The following CPQ variants were observed in gnomAD, a reference collection of about 807,000 sequenced individuals.
CPQ encodes the protein Ser-Met dipeptidase.
Under a neutral mutation model 45.7 loss-of-function variants are expected in CPQ, and 37 were observed. That is an observed-to-expected ratio of 0.81 (90% CI 0.62 to 1.07). The LOEUF is 1.07. Ranked by LOEUF, CPQ falls within the 50% of genes least tolerant of loss-of-function variation. The pLI, the probability that CPQ is intolerant of heterozygous loss-of-function variation, is 0.00. For missense variants in CPQ, 537 were observed against 572.9 expected (o/e 0.94, Z 0.64); for synonymous variants, 186 against 205.8 (o/e 0.90, Z 0.82).
intron 1 of CPQ, among the ~76,000 whole-genome samples, chr8:96,663,201 G>A (rs188958210): frequency 5.3e-5 from 8 of 152,268 alleles, no homozygotes; most frequent in South Asian, 2.1e-4. Flanking sequence ...AGAGAGCCCC[G>A]AAACATCTTC....
chr8:96,798,841 CCT>C (rs1172466886), intron 2 of CPQ, among the ~76,000 whole-genome samples: 1 of 152,002 alleles, frequency 6.6e-6, no homozygotes, highest in East Asian at 1.9e-4. Context: ...ATGGTTATCT[CCT>C]CTGAAAAACT....
At chr8:96,700,422 A>G (rs1315250822) in intron 1 of CPQ, among the ~76,000 whole-genome samples, 1 of 152,070 alleles carries the variant, frequency 6.6e-6, no homozygotes, top group Non-Finnish European at 1.5e-5. Flanking sequence ...GTTATGAGAT[A>G]CCCCATTTGG....
Position 96,787,193 on chromosome 8 carries a change from C to A in CPQ, c.433+1863C>A, listed in dbSNP as rs1810779874. Among the ~76,000 whole-genome samples the A allele has an allele frequency of 2.0e-5, 3 of 152,160 alleles. No homozygotes were observed. The South Asian group carries it at 6.2e-4, about 32-fold the overall frequency. The stretch of plus-strand genomic sequence containing the variant: ...ATATTTTCTTCTAAGAATTTTATGG[C>A]TGCCATTCTTACATTTATATCTGTG... On this transcript the variant is annotated intron_variant, in intron 2 of 7. Transcript: ENST00000220763.
intron 2 of CPQ, among the ~76,000 whole-genome samples, chr8:96,799,434 A>C (rs1810978287): frequency 6.6e-6 from 1 of 152,124 alleles, no homozygotes. Context: ...TTTTGATCTC[A>C]TCAAGGAAAC....
chr8:96,870,671 G>A (rs551498265), intron 3 of CPQ, among the ~76,000 whole-genome samples: 2 of 152,090 alleles, frequency 1.3e-5, no homozygotes, highest in African/African-American at 4.8e-5. Context: ...GTAATAACTG[G>A]TAAATGAATT....
chr8:96,865,527 T>G (rs535880917), intron 3 of CPQ, among the ~76,000 whole-genome samples: 8 of 152,216 alleles, frequency 5.3e-5, no homozygotes, highest in African/African-American at 1.7e-4. Context: ...GGTGGCTATT[T>G]ATTGAATTCC....
At chr8:96,688,713 C>CTGTA (rs576400791) in intron 1 of CPQ, among the ~76,000 whole-genome samples, 44 of 152,200 alleles carry the variant, frequency 2.9e-4, no homozygotes, top group Non-Finnish European at 5.0e-4. Flanking sequence ...TTTCAATGTA[C>CTGTA]TGTAATTCTG....
intron 7 of CPQ, chr8:97,092,262 T>C (rs1472110552): frequency 6.6e-6 from 1 of 152,198 alleles, no homozygotes; most frequent in East Asian, 1.9e-4. Flanking sequence ...CCGCTGTGGT[T>C]AGCCTCAGAA....
At chr8:97,015,548 G>A (rs1452785123) in intron 5 of CPQ, among the ~76,000 whole-genome samples, 1 of 152,100 alleles carries the variant, frequency 6.6e-6, no homozygotes, top group African/African-American at 2.4e-5. Context: ...AGAATATAGT[G>A]TAGAAAAATA....
At chr8:96,976,665 G>C (rs548198687) in intron 5 of CPQ, among the ~76,000 whole-genome samples, 14 of 152,230 alleles carry the variant, frequency 9.2e-5, no homozygotes, top group Admixed American at 3.3e-4. Context: ...TAGACCAATG[G>C]AAGAGAAGAA....
chr8:97,136,178 A>C (rs919671426), intron 7 of CPQ, among the ~76,000 whole-genome samples: 3 of 150,736 alleles, frequency 2.0e-5, no homozygotes, highest in African/African-American at 7.5e-5. Context: ...ATGAGTGTTT[A>C]CAAAAAAAAA....
intron 1 of CPQ, among the ~76,000 whole-genome samples, chr8:96,777,735 TATATATATATATATATATATATATA>T (rs1337206035): frequency 1.4e-3 from 10 of 7,124 alleles, no homozygotes; most frequent in Non-Finnish European, 1.7e-3. Context: ...TATATATATA[TATATATATATATATATATATATATA>T]TTTTTTTTTT....
At chr8:97,050,520 T>C (rs1282168403) in intron 6 of CPQ, among the ~76,000 whole-genome samples, 1 of 152,148 alleles carries the variant, frequency 6.6e-6, no homozygotes, top group African/African-American at 2.4e-5. Context: ...TAGGGAAATA[T>C]GGTATTTTAT....
intron 4 of CPQ, among the ~76,000 whole-genome samples, chr8:96,963,877 G>T (rs1298643741): frequency 1.3e-5 from 2 of 151,722 alleles, no homozygotes; most frequent in Non-Finnish European, 2.9e-5. Context: ...TGTTTTGCGT[G>T]TTTTTATACT....
chr8:96,854,547 A>ACAAAAC lies in CPQ; in HGVS notation c.641+19367_641+19368insCAAAAC, dbSNP rs1287161090. 3.2e-3 allele frequency among the ~76,000 whole-genome samples: 377 copies of ACAAAAC among 116,342 alleles called. 25 individuals carry two copies. The highest frequency in any genetic ancestry group is 0.011 in the African/African-American group (351 of 30,790). The allele number at this position is 116,342 out of a possible 152,430, so 76.3% of individuals were successfully genotyped here. ...CTCCGTCTCAAAAAAAAAAAAAAAA[A>ACAAAAC]AAAAAAAAAAAATGTGGTGGAACTA... On this transcript the variant is annotated intron_variant, in intron 3 of 7. Transcript: ENST00000220763.
chr8:96,813,905 A>G (rs1006261185), intron 2 of CPQ, among the ~76,000 whole-genome samples: 5 of 152,146 alleles, frequency 3.3e-5, no homozygotes, highest in African/African-American at 1.2e-4. Context: ...CCAGCACTAT[A>G]ATAGGCCTCA....
At chr8:96,918,837 G>GT (rs992122539) in intron 4 of CPQ, among the ~76,000 whole-genome samples, 2 of 152,012 alleles carry the variant, frequency 1.3e-5, no homozygotes, top group African/African-American at 4.8e-5. Flanking sequence ...TTGCCTCATT[G>GT]GGCATGAAGG....
intron 7 of CPQ, among the ~76,000 whole-genome samples, chr8:97,078,488 T>A (rs147097140): frequency 3.5e-4 from 54 of 152,290 alleles, no homozygotes; most frequent in African/African-American, 1.3e-3. Context: ...ACTATAAAAT[T>A]GCACTTTACC....
chr8:96,956,778 C>T (rs1813364253), intron 4 of CPQ, among the ~76,000 whole-genome samples: 1 of 152,114 alleles, frequency 6.6e-6, no homozygotes, highest in Admixed American at 6.6e-5. Context: ...GCAACATCTC[C>T]TTTCTAAAAC....
Sources: gnomAD v4.1 joint callset for allele counts (sites outside exome capture counted in the v4.1 genomes callset) on GRCh38, gnomAD v4.1.1 for gene constraint, MANE v1.5 for transcripts, NCBI Gene and HGNC (gene_info 2026-07-23, HGNC 2026-07-21) for gene names.